Variants in GRIP1 observed in about 807,000 individuals in gnomAD.
The protein encoded by GRIP1 is glutamate receptor interacting protein 1.
A neutral mutation model predicts 129.9 loss-of-function variants in GRIP1; 45 were observed. That is an observed-to-expected ratio of 0.35 (90% CI 0.27 to 0.44). The LOEUF (loss-of-function observed/expected upper bound fraction) is 0.44. GRIP1 is among the 20% of genes least tolerant of loss of function. GRIP1 has a pLI of 1.00. For synonymous variants in GRIP1, 530 were observed against 520.8 expected, an observed-to-expected ratio of 1.02 and a Z score of -0.24; for missense variants, 1,196 against 1,396.8, an observed-to-expected ratio of 0.86 and a Z score of 2.29.
intron 1 of GRIP1, among the ~76,000 whole-genome samples, chr12:66,905,600 A>G (rs1437634308): frequency 6.6e-6 from 1 of 152,252 alleles, no homozygotes; most frequent in Non-Finnish European, 1.5e-5. Flanking sequence ...TTTATGAGCA[A>G]GGGGAAAATA....
intron 24 of GRIP1, among the ~76,000 whole-genome samples, chr12:66,352,196 T>C (rs1592668659): frequency 6.6e-6 from 1 of 152,244 alleles, no homozygotes; most frequent in Middle Eastern, 3.4e-3. Context: ...ATAACTAGCA[T>C]CATCTGTGGT....
At chr12:66,681,264 T>C (rs955551080), upstream of GRIP1, among the ~76,000 whole-genome samples, 4 of 152,166 alleles carry the variant, frequency 2.6e-5, no homozygotes, top group African/African-American at 7.2e-5. Flanking sequence ...TCTTCTTCCA[T>C]TTCTGGCCTC....
At chr12:66,697,903 T>C (rs1334984892) in intron 1 of GRIP1, among the ~76,000 whole-genome samples, 1 of 150,600 alleles carries the variant, frequency 6.6e-6, no homozygotes, top group East Asian at 2.0e-4. Context: ...CAAAGCGAAG[T>C]GCAACAAGAA....
chr12:66,812,504 G>A (rs1046873404), intron 1 of GRIP1, among the ~76,000 whole-genome samples: 2 of 152,126 alleles, frequency 1.3e-5, no homozygotes, highest in Non-Finnish European at 2.9e-5. Flanking sequence ...TTACTCAATT[G>A]TTCTTCACAC....
intron 1 of GRIP1, among the ~76,000 whole-genome samples, chr12:66,769,854 A>G (rs2037763299): frequency 6.6e-6 from 1 of 152,172 alleles, no homozygotes; most frequent in Non-Finnish European, 1.5e-5. Context: ...TTCCCATCCC[A>G]CCTTGCTGAC....
intron 1 of GRIP1, among the ~76,000 whole-genome samples, chr12:66,954,594 C>A (rs930605018): frequency 6.6e-6 from 1 of 152,086 alleles, no homozygotes. Context: ...TATGCAGAAC[C>A]CCAAAAGTGC....
Position 66,618,590 on chromosome 12 carries a change from C to A in GRIP1, c.56-21663G>T, listed in dbSNP as rs545717811. On this transcript the variant is annotated intron_variant, in intron 1 of 24. Transcript: ENST00000359742. ...TCATAATTTCTGAATTTTCCAAAAA[C>A]ATATTGCATATATATTACTGAATAT... Among the ~76,000 whole-genome samples, 10 of 152,212 alleles carry A rather than the reference C, an allele frequency of 6.6e-5. No individual in the cohort carries two copies. The East Asian group carries it at 1.9e-3, about 29-fold the overall frequency.
intron 1 of GRIP1, among the ~76,000 whole-genome samples, chr12:66,835,558 A>C (rs1248528769): frequency 6.6e-6 from 1 of 152,210 alleles, no homozygotes; most frequent in Non-Finnish European, 1.5e-5. Context: ...AGATACTAGA[A>C]TACTATTTAG....
intron 23 of GRIP1, among the ~76,000 whole-genome samples, chr12:66,359,307 C>A (rs1409795724): frequency 6.6e-6 from 1 of 152,188 alleles, no homozygotes; most frequent in East Asian, 1.9e-4. Context: ...AACCAGAATC[C>A]TTGCATTTGA....
chr12:66,669,866 AAT>A (rs1481271838), intron 1 of GRIP1, among the ~76,000 whole-genome samples: 1 of 152,232 alleles, frequency 6.6e-6, no homozygotes, highest in Non-Finnish European at 1.5e-5. Flanking sequence ...AAAATGTAGT[AAT>A]GATTAGAAAA....
At chr12:66,884,573 T>C (rs2040533703) in intron 1 of GRIP1, among the ~76,000 whole-genome samples, 1 of 152,000 alleles carries the variant, frequency 6.6e-6, no homozygotes, top group Non-Finnish European at 1.5e-5. Context: ...AAATGAACAA[T>C]AATGAAATGT....
intron 1 of GRIP1, among the ~76,000 whole-genome samples, chr12:66,735,916 G>C (rs1449158973): frequency 2.0e-5 from 3 of 152,084 alleles, no homozygotes; most frequent in Non-Finnish European, 4.4e-5. Context: ...CCCATGACTA[G>C]TGGGCAAAGA....
At chr12:66,774,137 G>C (rs1406745893) in intron 1 of GRIP1, among the ~76,000 whole-genome samples, 1 of 152,150 alleles carries the variant, frequency 6.6e-6, no homozygotes, top group Non-Finnish European at 1.5e-5. Flanking sequence ...CCAAATGCTT[G>C]AAAAGTGACT....
Position 66,671,721 on chromosome 12 carries a change from G to GATATTA in GRIP1, c.55+7123_55+7128dup, listed in dbSNP as rs2034091026. On this transcript the variant is annotated intron_variant, in intron 1 of 24. Coordinates refer to ENST00000359742, the MANE Select transcript of GRIP1 (RefSeq NM_001366722.1). ...TCTCTCATCTTTGCTTTGGTTTTTA[G>GATATTA]ATATTACGGTATCCAAACGCTATTT... Among the ~76,000 whole-genome samples, 11 of 152,164 alleles carry GATATTA rather than the reference G, an allele frequency of 7.2e-5. No homozygotes were observed. The South Asian group carries it at 2.3e-3, about 31-fold the overall frequency.
intron 1 of GRIP1, among the ~76,000 whole-genome samples, chr12:66,789,150 T>C (rs1000375454): frequency 1.3e-5 from 2 of 152,178 alleles, no homozygotes; most frequent in Admixed American, 6.5e-5. Flanking sequence ...TAAAATTCTT[T>C]ACAAAAAGGC....
intron 14 of GRIP1, among the ~76,000 whole-genome samples, chr12:66,428,824 T>C (rs564010441): frequency 4.6e-5 from 7 of 152,178 alleles, no homozygotes; most frequent in African/African-American, 1.7e-4. Flanking sequence ...AAAACACCCA[T>C]GTAAAAAGGA....
intron 1 of GRIP1, among the ~76,000 whole-genome samples, chr12:66,968,740 CAA>C (rs1413256639): frequency 6.6e-6 from 1 of 151,912 alleles, no homozygotes; most frequent in Non-Finnish European, 1.5e-5. Flanking sequence ...TTAGTTTAAA[CAA>C]AGTTTTCTTT....
intron 1 of GRIP1, among the ~76,000 whole-genome samples, chr12:67,059,131 A>G (rs1320010563): frequency 2.0e-5 from 3 of 152,246 alleles, no homozygotes; most frequent in Non-Finnish European, 4.4e-5. Flanking sequence ...AAGGTGACTA[A>G]GACAGGTGGA....
chr12:66,962,120 ATCTT>A (rs2041930029), intron 1 of GRIP1, among the ~76,000 whole-genome samples: 1 of 152,132 alleles, frequency 6.6e-6, no homozygotes, highest in South Asian at 2.1e-4. Context: ...GGATATTAAA[ATCTT>A]TCTATTTTTA....
Sources: allele counts gnomAD v4.1 joint callset (sites outside exome capture counted in the v4.1 genomes callset), GRCh38; gene constraint gnomAD v4.1.1; transcripts MANE v1.5; gene names NCBI Gene and HGNC (gene_info 2026-07-23, HGNC 2026-07-21).